The following USP37 variants were observed in gnomAD, a reference collection of about 807,000 sequenced individuals.
USP37 encodes ubiquitin carboxyl-terminal hydrolase 37.
Under a neutral mutation model 124.0 loss-of-function variants are expected in USP37, and 27 were observed. The observed-to-expected ratio is 0.22, with a 90% CI of 0.16 to 0.30. The LOEUF is 0.30. Among genes scored for constraint, USP37 ranks in the 10% least tolerant of loss-of-function variants. The probability of loss-of-function intolerance (pLI) is 1.00; values close to 1 mark genes in which losing one functional copy is unlikely to be tolerated. For missense variants in USP37, 889 were observed against 1,140.4 expected (o/e 0.78, Z 3.17); for synonymous variants, 365 against 388.0 (o/e 0.94, Z 0.70).
chr2:218,553,115 C>T (rs1692757875), intron 5 of USP37, among the ~76,000 whole-genome samples: 1 of 152,190 alleles, frequency 6.6e-6, no homozygotes. Flanking sequence ...ACTTCTAGTA[C>T]TATGTTAAAT....
At chr2:218,560,983 T>A (rs1298916542) in intron 2 of USP37, 100 bp from the exon 3 acceptor site, 4 of 152,356 alleles carry the variant, frequency 2.6e-5, no homozygotes, top group Non-Finnish European at 4.4e-5. Context: ...TCAAAAATTT[T>A]TAAGTGCTTA....
intron 10 of USP37, among the ~76,000 whole-genome samples, chr2:218,527,958 T>G (rs922371939): frequency 3.3e-5 from 5 of 152,152 alleles, no homozygotes; most frequent in African/African-American, 1.2e-4. Flanking sequence ...ATCCCAGTAC[T>G]TTGGGAGGTC....
chr2:218,542,559 C>CTA (rs1477996982), intron 8 of USP37, among the ~76,000 whole-genome samples: 1 of 152,196 alleles, frequency 6.6e-6, no homozygotes, highest in Admixed American at 6.5e-5. Flanking sequence ...TACCATTCCA[C>CTA]TATTTCTGAT....
rs557941506 is a variant in USP37 at position 218,534,802 on chromosome 2, G to A, written c.681-96C>T. ...TCATTAAAACATTTACATTTAAAGT[G>A]CCAAATTCATTGATATGCTTGAAAA... On this transcript the variant is annotated intron_variant, in intron 8 of 25. Transcript: ENST00000258399. The A allele has an allele frequency of 4.7e-4, 340 of 721,692 alleles. 4 individuals carry two copies. The South Asian group carries it at 6.6e-3, about 14-fold the overall frequency. 44.7% of individuals were successfully genotyped at this position (721,692 alleles called of 1,614,324 possible).
chr2:218,532,578 A>T (rs1454873722), intron 9 of USP37, among the ~76,000 whole-genome samples: 1 of 152,050 alleles, frequency 6.6e-6, no homozygotes, highest in Non-Finnish European at 1.5e-5. Flanking sequence ...CAGCAAAATG[A>T]TTACAACCCT....
chr2:218,503,115 A>T (rs890740383), intron 11 of USP37, among the ~76,000 whole-genome samples: 1 of 152,206 alleles, frequency 6.6e-6, no homozygotes, highest in Admixed American at 6.5e-5. Context: ...GACAAACAAA[A>T]TCTGAGAATA....
At chr2:218,500,256 T>C (rs368530516) in intron 11 of USP37, among the ~76,000 whole-genome samples, 43 of 151,480 alleles carry the variant, frequency 2.8e-4, no homozygotes, top group South Asian at 6.3e-4. Flanking sequence ...TGTATTCATT[T>C]ATTTATTTAT....
intron 20 of USP37, among the ~76,000 whole-genome samples, chr2:218,469,607 G>T (rs1417351656): frequency 6.6e-6 from 1 of 152,036 alleles, no homozygotes; most frequent in South Asian, 2.1e-4. Flanking sequence ...GATTATACTA[G>T]TAACTAATCC....
At chr2:218,556,508 T>G (rs1243255922) in intron 4 of USP37, among the ~76,000 whole-genome samples, 6 of 130,718 alleles carry the variant, frequency 4.6e-5, no homozygotes, top group Non-Finnish European at 8.2e-5. Context: ...TTTCTGTTTT[T>G]TTTTTTTTTT....
rs1397371385 is a variant in USP37 at position 218,555,328 on chromosome 2, AT to A, written c.157-1605del. Among the ~76,000 whole-genome samples, 5 of 135,724 alleles carry A rather than the reference AT, an allele frequency of 3.7e-5. No homozygotes were observed. The East Asian group carries it at 9.9e-4, about 27-fold the overall frequency. The allele number at this position is 135,724 out of a possible 152,430, so 89.0% of individuals were successfully genotyped here. Reference sequence around the variant, plus strand: ...TAGAGAAAATTGACTTTTGTTAATTATTAGATAAGAATGAAAAACAATTTTG... The same window carrying A: ...TAGAGAAAATTGACTTTTGTTAATTATAGATAAGAATGAAAAACAATTTTG... On this transcript the variant is annotated intron_variant, in intron 4 of 25. Transcript: ENST00000258399.
intron 10 of USP37, among the ~76,000 whole-genome samples, chr2:218,517,965 C>CT (rs747035270): frequency 1.8e-4 from 27 of 151,692 alleles, no homozygotes; most frequent in Middle Eastern, 3.4e-3. Flanking sequence ...CCCCCCACCC[C>CT]TTTTTTTTGA....
rs368432219 is a variant in USP37 at position 218,547,107 on chromosome 2, T to G, written c.430-16A>C. ...TTGCAGAAGCCTGTAAAAATAAAGT[T>G]TGAGATAGTTAAATCTTCAAATTAA... On this transcript the variant is annotated splice_polypyrimidine_tract_variant and intron_variant, in intron 6 of 25. Coordinates refer to ENST00000258399, the MANE Select transcript of USP37 (RefSeq NM_020935.3). 6.3e-7 allele frequency: 1 copy of G among 1,579,628 alleles called. No homozygotes were observed. Among genetic ancestry groups the G allele is most frequent in the African/African-American group, 1.4e-5 (1 of 72,684 alleles).
At chr2:218,473,410 C>T (rs956171943) in intron 20 of USP37, among the ~76,000 whole-genome samples, 3 of 152,142 alleles carry the variant, frequency 2.0e-5, no homozygotes, top group African/African-American at 4.8e-5. Flanking sequence ...AAAACCATCA[C>T]GTTTTTGCTT....
chr2:218,513,769 T>C (rs932167127), intron 10 of USP37, among the ~76,000 whole-genome samples: 1 of 152,216 alleles, frequency 6.6e-6, no homozygotes, highest in Non-Finnish European at 1.5e-5. Context: ...TTCCATTGTA[T>C]GAATATACCA....
At chr2:218,462,835 A>C (rs1690086321) in intron 22 of USP37, among the ~76,000 whole-genome samples, 1 of 152,066 alleles carries the variant, frequency 6.6e-6, no homozygotes, top group African/African-American at 2.4e-5. Context: ...GAGAGATATA[A>C]AGGTTACTTC....
At chr2:218,558,412 C>A in intron 4 of USP37, 86 bp downstream of exon 4, 1 of 1,202,310 alleles carries the variant, frequency 8.3e-7, no homozygotes, top group South Asian at 1.8e-5. Context: ...AGGAGGAGGG[C>A]TACTGTGATG....
intron 23 of USP37, among the ~76,000 whole-genome samples, chr2:218,457,780 G>A (rs1559158497): frequency 2.0e-5 from 3 of 152,026 alleles, no homozygotes; most frequent in Non-Finnish European, 4.4e-5. Flanking sequence ...AGGCGTGGTG[G>A]CTCACGCCTG....
At chr2:218,554,501 C>T (rs1384664262) in intron 4 of USP37, among the ~76,000 whole-genome samples, 1 of 152,158 alleles carries the variant, frequency 6.6e-6, no homozygotes, top group East Asian at 1.9e-4. Flanking sequence ...AATCCCAGCA[C>T]TTTGGGAGGC....
intron 11 of USP37, among the ~76,000 whole-genome samples, chr2:218,501,898 C>T (rs1001486820): frequency 6.6e-6 from 1 of 152,162 alleles, no homozygotes; most frequent in Non-Finnish European, 1.5e-5. Context: ...AGAATGTTTA[C>T]TATGGAGCTA....
Sources: allele counts gnomAD v4.1 joint callset (sites outside exome capture counted in the v4.1 genomes callset), GRCh38; gene constraint gnomAD v4.1.1; transcripts MANE v1.5; gene names NCBI Gene and HGNC (gene_info 2026-07-23, HGNC 2026-07-21).